Variants in ZNF723 observed in about 807,000 individuals in gnomAD.
ZNF723 encodes the protein zinc finger protein 723, also known as zinc finger protein 723, pseudogene.
In ZNF723, 5 loss-of-function variants were observed where a neutral mutation model predicts 9.4. That is an observed-to-expected ratio of 0.53 (90% confidence interval 0.28 to 1.12). The LOEUF is 1.12. Among genes scored for constraint, ZNF723 ranks in the 50% most tolerant of loss-of-function variants. The probability of loss-of-function intolerance (pLI) is 0.10; values close to 1 mark genes in which losing one functional copy is unlikely to be tolerated. For missense variants in ZNF723, 450 were observed against 501.5 expected (o/e 0.90, Z 0.98); for synonymous variants, 158 against 168.8 (o/e 0.94, Z 0.49).
the ZNF723 span, among the ~76,000 whole-genome samples, chr19:22,819,870 C>T: frequency 6.6e-6 from 1 of 152,112 alleles, no homozygotes; most frequent in East Asian, 1.9e-4. Flanking sequence ...TTTTCCCAGG[C>T]CCTGCATACA....
chr19:22,812,775 G>A, the ZNF723 span, among the ~76,000 whole-genome samples: 1 of 152,092 alleles, frequency 6.6e-6, no homozygotes, highest in Non-Finnish European at 1.5e-5. Flanking sequence ...ACTCTTATAT[G>A]TAGATTCAGT....
upstream of ZNF723, among the ~76,000 whole-genome samples, chr19:22,831,806 G>A (rs1228478044): frequency 1.3e-5 from 2 of 151,980 alleles, no homozygotes; most frequent in African/African-American, 4.8e-5. Context: ...TACTCAGGAG[G>A]CTGAGGCAGA....
intron 1 of ZNF723, among the ~76,000 whole-genome samples, chr19:22,835,506 G>A (rs1012711032): frequency 2.6e-5 from 4 of 152,026 alleles, no homozygotes; most frequent in African/African-American, 9.7e-5. Flanking sequence ...TTAAGAGTTC[G>A]CATTTACCGT....
chr19:22,844,733 C>T (rs1273223051), intron 1 of ZNF723, among the ~76,000 whole-genome samples: 7 of 152,112 alleles, frequency 4.6e-5, no homozygotes, highest in Admixed American at 2.6e-4. Flanking sequence ...GAAAAGAGTA[C>T]GGAGTTTAAG....
rs944207172 is a variant in ZNF723, at chr19:22,858,392, A to G, written c.1501A>G (p.Ile501Val). ...GTCCTCAATTCTTAACAGACATAAG[A>G]TAATTCATACTAAAGAGAAATCACA... ...NKSSILNRHKIIHTKEKSQTL... is the reference protein window; with the variant it reads ...NKSSILNRHKVIHTKEKSQTL... Residue 501 changes from isoleucine to valine, a missense_variant, in exon 4 of 4, where the codon ATA becomes GTA. Around this residue, in one of 5 missense-constraint regions of ZNF723, gnomAD observed 43 missense variants for 22.2 expected, o/e 1.94. Coordinates refer to ENST00000600766, the MANE Select transcript of ZNF723 (RefSeq NM_001349726.2). 10 of 789,304 alleles carry G rather than the reference A, an allele frequency of 1.3e-5. No homozygotes were observed. In the African/African-American group the frequency reaches 1.6e-4, roughly 12 times the overall value. 48.9% of individuals were successfully genotyped at this position (789,304 alleles called of 1,614,324 possible).
chr19:22,831,082 C>A (rs988479272), upstream of ZNF723, among the ~76,000 whole-genome samples: 1 of 152,122 alleles, frequency 6.6e-6, no homozygotes, highest in East Asian at 1.9e-4. Context: ...TTTCACCCCT[C>A]CTATATCCAT....
upstream of ZNF723, among the ~76,000 whole-genome samples, chr19:22,828,697 C>T (rs1967063051): frequency 2.0e-5 from 3 of 151,960 alleles, no homozygotes; most frequent in Non-Finnish European, 4.4e-5. Context: ...TCGTTCTAAA[C>T]TGAGCTTGTA....
At chr19:22,849,814 C>G (rs1348270622) in intron 3 of ZNF723, among the ~76,000 whole-genome samples, 1 of 152,018 alleles carries the variant, frequency 6.6e-6, no homozygotes, top group East Asian at 1.9e-4. Context: ...TAGGCTGAGT[C>G]AGGAGAATCG....
chr19:22,817,792 CTTCTT>C, the ZNF723 span, among the ~76,000 whole-genome samples: 188 of 152,212 alleles, frequency 1.2e-3, 1 homozygote, highest in African/African-American at 4.3e-3. Context: ...CCTTAGGTCT[CTTCTT>C]TATACAAAGG....
the ZNF723 span, among the ~76,000 whole-genome samples, chr19:22,815,339 T>C: frequency 6.6e-6 from 1 of 151,778 alleles, no homozygotes; most frequent in African/African-American, 2.4e-5. Flanking sequence ...AATGTTGTGA[T>C]ATATCACTGG....
intron 1 of ZNF723, among the ~76,000 whole-genome samples, chr19:22,847,885 G>A (rs956609421): frequency 1.4e-4 from 21 of 151,982 alleles, no homozygotes; most frequent in Admixed American, 5.3e-4. Context: ...TGCATCATCC[G>A]AGGTCAGGAG....
upstream of ZNF723, chr19:22,832,205 C>T: frequency 1.5e-6 from 1 of 648,566 alleles, no homozygotes; most frequent in Non-Finnish European, 2.4e-6. Flanking sequence ...CCTTAAACGG[C>T]ATCCATTCAG....
At chr19:22,842,568 A>T (rs1328090532) in intron 1 of ZNF723, among the ~76,000 whole-genome samples, 1 of 151,820 alleles carries the variant, frequency 6.6e-6, no homozygotes, top group East Asian at 1.9e-4. Context: ...ATGACAGGCA[A>T]CTTGAAGGTT....
chr19:22,814,097 C>A, the ZNF723 span, among the ~76,000 whole-genome samples: 10 of 152,194 alleles, frequency 6.6e-5, no homozygotes, highest in East Asian at 3.9e-4. Flanking sequence ...TAGGTGTAAG[C>A]CACCACGCCC....
chr19:22,831,284 C>T (rs1033202267), upstream of ZNF723, among the ~76,000 whole-genome samples: 15 of 152,144 alleles, frequency 9.9e-5, no homozygotes, highest in Non-Finnish European at 4.4e-5. Context: ...TGGCCGGGTG[C>T]AGTGACTCAC....
At chr19:22,833,402 C>A (rs998891672) in intron 1 of ZNF723, among the ~76,000 whole-genome samples, 1 of 152,036 alleles carries the variant, frequency 6.6e-6, no homozygotes, top group Non-Finnish European at 1.5e-5. Flanking sequence ...CCGCCCGCCT[C>A]GGCCTCCCAA....
intron 2 of ZNF723, among the ~76,000 whole-genome samples, chr19:22,848,838 C>T (rs1054382336): frequency 6.6e-6 from 1 of 151,766 alleles, no homozygotes; most frequent in African/African-American, 2.4e-5. Flanking sequence ...CACTGCAATC[C>T]TCACCTCCCA....
In ZNF723 at chr19:22,857,874, T is replaced by G; in HGVS notation, c.983T>G (p.Leu328Arg). The G allele has an allele frequency of 7.1e-7, 1 of 1,413,670 alleles. No homozygotes were observed. Among genetic ancestry groups the G allele is most frequent in the Non-Finnish European group, 1.0e-6 (1 of 998,256 alleles). 87.6% of individuals were successfully genotyped at this position (1,413,670 alleles called of 1,614,324 possible). Residue 328 changes from leucine to arginine, a missense_variant, in exon 4 of 4, where the codon CTT (leucine) becomes CGT (arginine). Physicochemically the swap from Leu to Arg is moderately radical, Grantham distance 102 (BLOSUM62 -2). Coordinates refer to ENST00000600766, the MANE Select transcript of ZNF723 (RefSeq NM_001349726.2). ...AAAGCCTTTAACCAGCCCTCACACC[T>G]TGCTACACATAAGAGAATTCATACT... ...CGKAFNQPSH[L>R]ATHKRIHTGE...
At chr19:22,855,293 G>A (rs1967461828) in intron 3 of ZNF723, among the ~76,000 whole-genome samples, 1 of 148,908 alleles carries the variant, frequency 6.7e-6, no homozygotes, top group Non-Finnish European at 1.5e-5. Context: ...CAGTGGTGCA[G>A]TCCTGGCTCA....
Sources: gnomAD v4.1 joint callset for allele counts (sites outside exome capture counted in the v4.1 genomes callset) on GRCh38, gnomAD v4.1.1 for gene constraint, gnomAD v4.1.1 regional missense constraint, MANE v1.5 for transcripts, NCBI Gene and HGNC (gene_info 2026-07-23, HGNC 2026-07-21) for gene names.